The following RADIL variants were observed in gnomAD, a reference collection of about 807,000 sequenced individuals.
The protein encoded by RADIL is ras-associating and dilute domain-containing protein.
In RADIL, 99 loss-of-function variants were observed where a neutral mutation model predicts 97.6. The ratio of observed to expected loss-of-function variants is 1.01; its 90% confidence interval spans 0.86 to 1.20. The LOEUF is 1.20. RADIL is among the 50% of genes most tolerant of loss of function. The pLI is 0.00. For missense variants in RADIL, 1,765 were observed against 1,498.9 expected (o/e 1.18, Z -2.93); for synonymous variants, 803 against 691.8 (o/e 1.16, Z -2.52).
chr7:4,857,196 T>C (rs1049285353), intron 2 of RADIL, among the ~76,000 whole-genome samples: 5 of 152,246 alleles, frequency 3.3e-5, no homozygotes, highest in Non-Finnish European at 5.9e-5. Context: ...CCTGATGCTG[T>C]AGGACTTCTA....
chr7:4,832,231 G>A, intron 4 of RADIL, 53 bp from the exon 5 acceptor site: 1 of 1,547,550 alleles, frequency 6.5e-7, no homozygotes, highest in Non-Finnish European at 8.8e-7. Flanking sequence ...GCTAACACAG[G>A]GACGCGTTCA....
intron 1 of RADIL, chr7:4,882,041 G>A (rs77883790): frequency 1.3e-5 from 2 of 151,988 alleles, no homozygotes; most frequent in Admixed American, 6.6e-5. Flanking sequence ...AATGTAAGCA[G>A]AGAGAATATG....
intron 2 of RADIL, chr7:4,858,016 GC>G: frequency 6.6e-6 from 1 of 152,650 alleles, no homozygotes; most frequent in South Asian, 2.1e-4. Context: ...CTAAATTTGT[GC>G]CTGGCCATTT....
Position 4,797,241 on chromosome 7 carries a change from T to G in RADIL, c.*2137A>C, listed in dbSNP as rs569355787. 5 of 152,348 alleles carry G rather than the reference T, an allele frequency of 3.3e-5. No homozygotes were observed. In the South Asian group the frequency reaches 1.0e-3, roughly 32 times the overall value. The allele number at this position is 152,348 out of a possible 1,614,324, so 9.4% of individuals were successfully genotyped here. On this transcript the variant is annotated 3_prime_UTR_variant, in exon 15 of 15. Transcript: ENST00000399583. Reference sequence around the variant, plus strand: ...TCAGCGGCCAGAGGCTAGCTGGGCCTCCCCGACTCCACGGGGCCTCCCTTC... The same window carrying G: ...TCAGCGGCCAGAGGCTAGCTGGGCCGCCCCGACTCCACGGGGCCTCCCTTC...
chr7:4,828,678 C>T (rs1370053942), intron 5 of RADIL, among the ~76,000 whole-genome samples: 4 of 152,144 alleles, frequency 2.6e-5, no homozygotes, highest in Non-Finnish European at 2.9e-5. Context: ...TGTGGGATCA[C>T]GGGGGAGTGA....
At chr7:4,874,401 C>G (rs1198070179) in intron 2 of RADIL, among the ~76,000 whole-genome samples, 1 of 152,240 alleles carries the variant, frequency 6.6e-6, no homozygotes, top group Non-Finnish European at 1.5e-5. Context: ...CCCCCGGCTC[C>G]AGGCAGAGGC....
chr7:4,806,069 A>T, intron 9 of RADIL: 3 of 985,204 alleles, frequency 3.0e-6, no homozygotes, highest in Non-Finnish European at 3.6e-6. Flanking sequence ...GTGTGAAAGA[A>T]ATCAATCAAG....
At chr7:4,828,184 G>A (rs1296491445) in intron 5 of RADIL, among the ~76,000 whole-genome samples, 3 of 152,366 alleles carry the variant, frequency 2.0e-5, no homozygotes, top group South Asian at 2.1e-4. Context: ...TAGGCTGGGT[G>A]CAGTGGCTTA....
intron 5 of RADIL, among the ~76,000 whole-genome samples, chr7:4,829,980 A>G (rs149215516): frequency 6.6e-6 from 1 of 152,270 alleles, no homozygotes; most frequent in African/African-American, 2.4e-5. Context: ...AGCTTGACTT[A>G]AGGGGGTGCT....
Position 4,834,319 on chromosome 7 carries a change from C to A in RADIL, c.1416+288G>T, listed in dbSNP as rs900038519. ...CGTGACAGTGCTGGGCCCAGCTGGACCCCAGGGAGGGTACAAGCCCAGAGC... is the reference window on the plus strand; with the variant it reads ...CGTGACAGTGCTGGGCCCAGCTGGAACCCAGGGAGGGTACAAGCCCAGAGC... On this transcript the variant is annotated intron_variant, in intron 4 of 14. Coordinates refer to ENST00000399583, the MANE Select transcript of RADIL (RefSeq NM_018059.5). The surrounding 1 kb of genome is among the most constrained non-coding windows in gnomAD (Gnocchi z 6.0). Among the ~76,000 whole-genome samples the A allele has an allele frequency of 6.6e-6, 1 of 152,080 alleles. No homozygotes were observed. Among genetic ancestry groups the A allele is most frequent in the African/African-American group, 2.4e-5 (1 of 41,404 alleles).
In RADIL at chr7:4,880,314, G is replaced by A. The variant is rs897578510; in HGVS notation, c.-64-2111C>T. On this transcript the variant is annotated intron_variant, in intron 1 of 14. Coordinates refer to ENST00000399583, the MANE Select transcript of RADIL (RefSeq NM_018059.5). The surrounding 1 kb of genome is among the most constrained non-coding windows in gnomAD (Gnocchi z 4.5). ...CAGAGCCGGCCGCAGCTTCCCCCAC[G>A]GACTCATCAAAGGCCTCGGTTTCAT... 3.3e-5 allele frequency among the ~76,000 whole-genome samples: 5 copies of A among 152,108 alleles called. No individual in the cohort carries two copies. Among genetic ancestry groups the A allele is most frequent in the African/African-American group, 1.2e-4 (5 of 41,432 alleles).
At chr7:4,816,202 C>A (rs763254099) in intron 8 of RADIL, 26 bp downstream of exon 8, 1 of 1,586,780 alleles carries the variant, frequency 6.3e-7, no homozygotes, top group African/African-American at 1.3e-5. Context: ...AGCCCCCGAC[C>A]CCTCAACCCT....
Position 4,819,099 on chromosome 7 carries a change from T to G in RADIL, c.1616-1748A>C, listed in dbSNP as rs1035049831. Among the ~76,000 whole-genome samples, 2 of 141,436 alleles carry G rather than the reference T, an allele frequency of 1.4e-5. No homozygotes were observed. Among genetic ancestry groups the G allele is most frequent in the Non-Finnish European group, 1.5e-5 (1 of 65,644 alleles). 92.8% of individuals were successfully genotyped at this position (141,436 alleles called of 152,430 possible). On this transcript the variant is annotated intron_variant, in intron 6 of 14. Transcript: ENST00000399583. This position sits in a 1 kb window ranked among gnomAD's most constrained non-coding sequence, Gnocchi z 5.8. ...TTTTTTTTTTTTTTTAAAGACAGAG[T>G]CTCACTCTGTCGCCCAGGCTGGAGT...
At position 4,798,605 on chromosome 7, in the gene RADIL, G is replaced by C; in HGVS notation, c.*773C>G. ...CAGCCAGCTGGTGGAGAGGGACGCT[G>C]GCCTCCTGCCCGGGTTAGGGCCGGT... is the stretch of plus-strand genomic sequence containing the variant. On this transcript the variant is annotated 3_prime_UTR_variant, in exon 15 of 15. Transcript: ENST00000399583. 6.5e-6 allele frequency: 1 copy of C among 152,810 alleles called. No homozygotes were observed. Among genetic ancestry groups the C allele is most frequent in the South Asian group, 1.9e-4 (1 of 5,180 alleles). 9.5% of individuals were successfully genotyped at this position (152,810 alleles called of 1,614,324 possible). A position where few individuals can be genotyped will look rare whatever the true frequency, so the allele number is the denominator to read the frequency against.
chr7:4,850,047 G>T (rs1343819852), intron 2 of RADIL, among the ~76,000 whole-genome samples: 1 of 151,896 alleles, frequency 6.6e-6, no homozygotes, highest in Non-Finnish European at 1.5e-5. Flanking sequence ...CTACACCAAG[G>T]AATATTCCAT....
intron 2 of RADIL, among the ~76,000 whole-genome samples, chr7:4,868,981 G>A (rs1784192796): frequency 6.6e-6 from 1 of 152,148 alleles, no homozygotes; most frequent in African/African-American, 2.4e-5. Flanking sequence ...ACAAAAATTA[G>A]CCGGGCCTCA....
In RADIL at chr7:4,805,070, GAT is replaced by G. The variant is rs1562427188; in HGVS notation, c.2290+494_2290+495del. ...GATTGCACCACTGCACTCCAGCCTGGATGACAGAGCAAGACTCTTGTCTCAAA... is the reference window on the plus strand; with the variant it reads ...GATTGCACCACTGCACTCCAGCCTGGGACAGAGCAAGACTCTTGTCTCAAA... On this transcript the variant is annotated intron_variant, in intron 10 of 14. Transcript: ENST00000399583. Among the ~76,000 whole-genome samples, 37 of 152,260 alleles carry G rather than the reference GAT, an allele frequency of 2.4e-4. 1 individual carries two copies. The highest frequency in any genetic ancestry group is 8.4e-4 in the African/African-American group (35 of 41,530).
intron 13 of RADIL, 60 bp from the exon 14 acceptor site, chr7:4,799,829 C>T: frequency 1.4e-6 from 2 of 1,439,934 alleles, no homozygotes; most frequent in Non-Finnish European, 1.8e-6. Context: ...CCAGCGAGGA[C>T]CACTGCAGCC....
chr7:4,857,317 C>A (rs550103168), intron 2 of RADIL, among the ~76,000 whole-genome samples: 71 of 152,100 alleles, frequency 4.7e-4, no homozygotes, highest in African/African-American at 1.3e-3. Flanking sequence ...TTTTTCCATT[C>A]TTTTATTTTG....
Sources: gnomAD v4.1 joint callset for allele counts (sites outside exome capture counted in the v4.1 genomes callset) on GRCh38, gnomAD v4.1.1 for gene constraint, Gnocchi (gnomAD v3.1) non-coding constraint, MANE v1.5 for transcripts, NCBI Gene and HGNC (gene_info 2026-07-23, HGNC 2026-07-21) for gene names.